CCDC192: variants seen among roughly 807,000 people sequenced by gnomAD.
The protein encoded by CCDC192 is coiled-coil domain containing 192.
intron 5 of CCDC192, among the ~76,000 whole-genome samples, chr5:127,851,882 C>G (rs1214145926): frequency 6.6e-6 from 1 of 152,220 alleles, no homozygotes; most frequent in South Asian, 2.1e-4. Context: ...AGCTATTGCT[C>G]TGTCTCAGAG....
chr5:127,835,766 A>G (rs1351435756), intron 5 of CCDC192, among the ~76,000 whole-genome samples: 1 of 152,162 alleles, frequency 6.6e-6, no homozygotes, highest in Non-Finnish European at 1.5e-5. Context: ...CTCACTCACT[A>G]TCACAAGAAT....
At chr5:127,792,312 A>G (rs1425556645) in intron 3 of CCDC192, among the ~76,000 whole-genome samples, 1 of 152,124 alleles carries the variant, frequency 6.6e-6, no homozygotes, top group African/African-American at 2.4e-5. Flanking sequence ...TGGCAGCAGC[A>G]AAGAGATGTG....
chr5:127,791,738 A>G (rs1412970858), intron 3 of CCDC192, among the ~76,000 whole-genome samples: 1 of 152,232 alleles, frequency 6.6e-6, no homozygotes, highest in East Asian at 1.9e-4. Flanking sequence ...TTGGGGTAGG[A>G]GGAGAATCTG....
At chr5:127,707,010 G>A (rs1187292190) in intron 1 of CCDC192, among the ~76,000 whole-genome samples, 1 of 152,194 alleles carries the variant, frequency 6.6e-6, no homozygotes, top group Non-Finnish European at 1.5e-5. Flanking sequence ...CATGTCAAAA[G>A]CTGTTAAGGT....
chr5:127,741,206 A>G (rs1463308695), intron 2 of CCDC192, among the ~76,000 whole-genome samples: 1 of 151,922 alleles, frequency 6.6e-6, no homozygotes, highest in Non-Finnish European at 1.5e-5. Flanking sequence ...GACTGCAGGC[A>G]CACACCACCA....
chr5:127,757,087 G>C (rs1754642610), intron 3 of CCDC192, among the ~76,000 whole-genome samples: 1 of 152,186 alleles, frequency 6.6e-6, no homozygotes, highest in Non-Finnish European at 1.5e-5. Flanking sequence ...TAAGGTGCTG[G>C]TTAGGTGTTT....
intron 6 of CCDC192, among the ~76,000 whole-genome samples, chr5:127,900,388 A>G (rs558194687): frequency 5.4e-4 from 83 of 152,296 alleles, no homozygotes; most frequent in East Asian, 3.7e-3. Context: ...TGCAGATTCA[A>G]GGATATAGGA....
intron 6 of CCDC192, among the ~76,000 whole-genome samples, chr5:127,881,700 C>T (rs1314735537): frequency 6.6e-6 from 1 of 152,142 alleles, no homozygotes; most frequent in African/African-American, 2.4e-5. Context: ...AAAGAAAAGC[C>T]CCTTTATTAC....
At chr5:127,844,586 T>A (rs1750443988) in intron 5 of CCDC192, among the ~76,000 whole-genome samples, 1 of 152,226 alleles carries the variant, frequency 6.6e-6, no homozygotes, top group Non-Finnish European at 1.5e-5. Context: ...CCGGTGAATC[T>A]TTCTCATCCA....
In CCDC192 at chr5:127,810,558, T is replaced by A. The variant is rs114760957; in HGVS notation, c.411+12396T>A. Among the ~76,000 whole-genome samples the A allele has an allele frequency of 8.8e-3, 1,343 of 152,280 alleles. 10 individuals carry two copies. Among genetic ancestry groups the A allele is most frequent in the African/African-American group, 0.012 (482 of 41,554 alleles). ...ACATAAAATACTCACTTGTTAGAGG[T>A]AAGGCAAAAGTTGGCTGTAGTCTTT... On this transcript the variant is annotated intron_variant, in intron 5 of 6. Coordinates refer to ENST00000514853, the MANE Select transcript of CCDC192 (RefSeq NM_001317938.2).
At chr5:127,892,444 A>G (rs1460032972) in intron 6 of CCDC192, among the ~76,000 whole-genome samples, 1 of 152,260 alleles carries the variant, frequency 6.6e-6, no homozygotes, top group Non-Finnish European at 1.5e-5. Context: ...TTGGTTTAGT[A>G]TCTAAGATGC....
intron 2 of CCDC192, among the ~76,000 whole-genome samples, chr5:127,714,103 T>C (rs1751486955): frequency 6.6e-6 from 1 of 152,230 alleles, no homozygotes; most frequent in Non-Finnish European, 1.5e-5. Flanking sequence ...TTTGTCTTTC[T>C]GTGTCTGGCT....
At chr5:127,876,939 C>A (rs969522882) in intron 6 of CCDC192, among the ~76,000 whole-genome samples, 3 of 152,118 alleles carry the variant, frequency 2.0e-5, no homozygotes, top group African/African-American at 7.2e-5. Flanking sequence ...TGTAAATTTG[C>A]TTTTACCACC....
At chr5:127,762,928 C>G (rs1270623523) in intron 3 of CCDC192, among the ~76,000 whole-genome samples, 3 of 152,152 alleles carry the variant, frequency 2.0e-5, no homozygotes, top group Non-Finnish European at 4.4e-5. Context: ...ATACTATGAG[C>G]TAGGCATTCT....
In CCDC192 at chr5:127,797,252, G is replaced by A. The variant is rs573967088; in HGVS notation, c.354+18G>A. The stretch of plus-strand genomic sequence containing the variant: ...AAGACCAGGTATGTTGTAGAACAAA[G>A]TCATCTTTATTTTAAAAGTTACCTA... On this transcript the variant is annotated intron_variant, in intron 4 of 6. Transcript: ENST00000514853. The A allele has an allele frequency of 3.3e-5, 13 of 397,104 alleles. 1 individual carries two copies. The highest frequency in any genetic ancestry group is 1.4e-4 in the African/African-American group (7 of 48,658). The allele number at this position is 397,104 out of a possible 1,614,324, so 24.6% of individuals were successfully genotyped here.
At chr5:127,818,143 A>G (rs17164645) in intron 5 of CCDC192, among the ~76,000 whole-genome samples, 2 of 144,492 alleles carry the variant, frequency 1.4e-5, no homozygotes, top group African/African-American at 5.8e-5. Flanking sequence ...ATATTTACAT[A>G]TTTTTTTGCT....
At chr5:127,797,774 TA>T (rs1309539856) in intron 4 of CCDC192, among the ~76,000 whole-genome samples, 68 of 113,832 alleles carry the variant, frequency 6.0e-4, no homozygotes, top group African/African-American at 1.2e-3. Context: ...TATATATATA[TA>T]TATTTATTTA....
chr5:127,877,105 GC>G (rs1326100549), intron 6 of CCDC192, among the ~76,000 whole-genome samples: 3 of 152,170 alleles, frequency 2.0e-5, no homozygotes, highest in Non-Finnish European at 4.4e-5. Flanking sequence ...CTTACGAGAA[GC>G]TTTCAACTTT....
intron 2 of CCDC192, among the ~76,000 whole-genome samples, chr5:127,724,001 G>T (rs771027221): frequency 1.6e-4 from 24 of 152,188 alleles, no homozygotes; most frequent in Non-Finnish European, 2.6e-4. Flanking sequence ...AGAAATGGAG[G>T]GTTTTTCTAA....
Sources: gnomAD v4.1 joint callset for allele counts (sites outside exome capture counted in the v4.1 genomes callset) on GRCh38, gnomAD v4.1.1 for gene constraint, MANE v1.5 for transcripts, NCBI Gene and HGNC (gene_info 2026-07-23, HGNC 2026-07-21) for gene names.